DLG2: variants seen among roughly 807,000 people sequenced by gnomAD.
DLG2 encodes disks large homolog 2.
A neutral mutation model predicts 132.5 loss-of-function variants in DLG2; 45 were observed. That is an observed-to-expected ratio of 0.34 (90% CI 0.27 to 0.44). The LOEUF is 0.44. Among genes scored for constraint, DLG2 ranks in the 20% least tolerant of loss-of-function variants. The pLI is 1.00. For synonymous variants in DLG2, 424 were observed against 419.6 expected, an observed-to-expected ratio of 1.01 and a Z score of -0.13; for missense variants, 1,045 against 1,196.9, an observed-to-expected ratio of 0.87 and a Z score of 1.87.
At chr11:84,925,855 A>G (rs2092958472) in intron 6 of DLG2, among the ~76,000 whole-genome samples, 1 of 152,164 alleles carries the variant, frequency 6.6e-6, no homozygotes, top group South Asian at 2.1e-4. Flanking sequence ...CAATGATTTA[A>G]ATATAAAAAT....
At chr11:85,412,678 C>G (rs1419466041) in intron 3 of DLG2, among the ~76,000 whole-genome samples, 2 of 148,904 alleles carry the variant, frequency 1.3e-5, no homozygotes, top group Non-Finnish European at 3.0e-5. Context: ...TCATCCCAGT[C>G]TCTGTGAATG....
chr11:84,031,364 A>T (rs1482421334), intron 11 of DLG2, among the ~76,000 whole-genome samples: 1 of 152,150 alleles, frequency 6.6e-6, no homozygotes, highest in East Asian at 1.9e-4. Context: ...TTTTAAGTCA[A>T]ATAAGGGTTC....
intron 7 of DLG2, among the ~76,000 whole-genome samples, chr11:84,264,072 T>G (rs2154359381): frequency 6.6e-6 from 1 of 152,276 alleles, no homozygotes; most frequent in East Asian, 1.9e-4. Flanking sequence ...TGGAAACATT[T>G]CCAATGAGGA....
At chr11:83,791,049 T>C (rs1006682532) in intron 17 of DLG2, 2 of 720,340 alleles carry the variant, frequency 2.8e-6, no homozygotes, top group African/African-American at 3.6e-5. Context: ...AGACTGAAGG[T>C]CGTGGAAATC....
chr11:85,135,664 T>A (rs1265700780), intron 5 of DLG2, among the ~76,000 whole-genome samples: 1 of 152,212 alleles, frequency 6.6e-6, no homozygotes, highest in Non-Finnish European at 1.5e-5. Context: ...CACATGTTTG[T>A]TGAGCACTCA....
intron 8 of DLG2, among the ~76,000 whole-genome samples, chr11:84,176,679 C>G (rs895925130): frequency 6.6e-6 from 1 of 151,936 alleles, no homozygotes; most frequent in Non-Finnish European, 1.5e-5. Flanking sequence ...CGGATTAAGG[C>G]GTTCTGGACT....
At chr11:85,115,855 C>CAG (rs1288800256) in intron 5 of DLG2, among the ~76,000 whole-genome samples, 1 of 151,936 alleles carries the variant, frequency 6.6e-6, no homozygotes. Context: ...TTATGCTATA[C>CAG]AGAGAGCTGA....
At chr11:84,604,685 C>T (rs145101519) in intron 6 of DLG2, among the ~76,000 whole-genome samples, 26 of 151,908 alleles carry the variant, frequency 1.7e-4, no homozygotes, top group Middle Eastern at 3.4e-3. Context: ...TAGGATGTGA[C>T]GGGAAATGAC....
intron 19 of DLG2, among the ~76,000 whole-genome samples, chr11:83,621,403 T>G (rs1445300165): frequency 6.6e-6 from 1 of 152,098 alleles, no homozygotes; most frequent in Non-Finnish European, 1.5e-5. Flanking sequence ...TGAGGCACTT[T>G]TATGCATTTT....
At chr11:85,233,089 C>T (rs1272559367) in intron 4 of DLG2, among the ~76,000 whole-genome samples, 1 of 151,756 alleles carries the variant, frequency 6.6e-6, no homozygotes, top group Non-Finnish European at 1.5e-5. Context: ...TGGTAGATTT[C>T]ATGTGGTTTT....
At chr11:85,297,520 A>T (rs2079310995) in intron 3 of DLG2, among the ~76,000 whole-genome samples, 1 of 152,212 alleles carries the variant, frequency 6.6e-6, no homozygotes, top group Admixed American at 6.6e-5. Context: ...TTCCACTAAC[A>T]GTCTTTGGAA....
At chr11:84,891,514 T>A (rs2089387150) in intron 6 of DLG2, among the ~76,000 whole-genome samples, 1 of 152,098 alleles carries the variant, frequency 6.6e-6, no homozygotes, top group Non-Finnish European at 1.5e-5. Context: ...TGGAAAAATA[T>A]GACAGGAAAT....
chr11:83,773,759 C>T (rs1408798608), intron 18 of DLG2, among the ~76,000 whole-genome samples: 1 of 152,162 alleles, frequency 6.6e-6, no homozygotes, highest in African/African-American at 2.4e-5. Context: ...TTGTTCATTC[C>T]ACAAATATGT....
At chr11:84,392,662 T>C (rs1394105726) in intron 7 of DLG2, among the ~76,000 whole-genome samples, 3 of 152,166 alleles carry the variant, frequency 2.0e-5, no homozygotes, top group Non-Finnish European at 4.4e-5. Flanking sequence ...AACAACTCCA[T>C]TGGGTAGATT....
intron 21 of DLG2, among the ~76,000 whole-genome samples, chr11:83,495,816 A>G (rs1234864822): frequency 6.6e-6 from 1 of 152,164 alleles, no homozygotes; most frequent in East Asian, 1.9e-4. Context: ...AATTCATACC[A>G]AACACCAAAA....
At chr11:84,905,091 G>A (rs1439050463) in intron 6 of DLG2, among the ~76,000 whole-genome samples, 1 of 152,040 alleles carries the variant, frequency 6.6e-6, no homozygotes, top group Non-Finnish European at 1.5e-5. Flanking sequence ...TCACCATGTT[G>A]GTCAGGCTGG....
At chr11:85,610,043 T>C (rs538142746) in intron 2 of DLG2, among the ~76,000 whole-genome samples, 5 of 152,278 alleles carry the variant, frequency 3.3e-5, no homozygotes, top group Admixed American at 2.6e-4. Context: ...TGTTGTCCCC[T>C]ACTTGAGAAG....
chr11:85,021,787 T>A, intron 6 of DLG2: 1 of 522,096 alleles, frequency 1.9e-6, no homozygotes. Context: ...AGAACCTGAC[T>A]GCTGCTCGAG....
At chr11:84,363,610 C>A (rs2098664035) in intron 7 of DLG2, among the ~76,000 whole-genome samples, 2 of 151,610 alleles carry the variant, frequency 1.3e-5, no homozygotes, top group Non-Finnish European at 2.9e-5. Context: ...AATGGTAATG[C>A]CTAGGTTTTC....
Sources: allele counts gnomAD v4.1 joint callset (sites outside exome capture counted in the v4.1 genomes callset), GRCh38; gene constraint gnomAD v4.1.1; transcripts MANE v1.5; gene names NCBI Gene and HGNC (gene_info 2026-07-23, HGNC 2026-07-21).